Variants in NOVA1 observed in about 807,000 individuals in gnomAD.
The protein encoded by NOVA1 is NOVA alternative splicing regulator 1, also known as RNA-binding protein Nova-1.
In NOVA1, 7 loss-of-function variants were observed where a neutral mutation model predicts 38.0. The ratio of observed to expected loss-of-function variants is 0.18; its 90% CI spans 0.10 to 0.35. NOVA1 has a LOEUF of 0.35. Among genes scored for constraint, NOVA1 ranks in the 10% least tolerant of loss-of-function variants. The pLI is 1.00. For synonymous variants in NOVA1, 270 were observed against 232.5 expected (o/e 1.16, Z -1.47); for missense variants, 460 against 616.0 (o/e 0.75, Z 2.68).
intron 2 of NOVA1, among the ~76,000 whole-genome samples, chr14:26,534,224 T>C (rs1318684970): frequency 6.6e-6 from 1 of 152,198 alleles, no homozygotes; most frequent in East Asian, 1.9e-4. Flanking sequence ...TGATATACTA[T>C]AGTTAAATAC....
At chr14:26,459,336 A>G (rs1883464019) in intron 4 of NOVA1, among the ~76,000 whole-genome samples, 1 of 152,086 alleles carries the variant, frequency 6.6e-6, no homozygotes, top group South Asian at 2.1e-4. Flanking sequence ...AACTGCCTAC[A>G]GTATTTAGTA....
At chr14:26,524,079 C>T (rs1330487498) in intron 2 of NOVA1, among the ~76,000 whole-genome samples, 1 of 152,102 alleles carries the variant, frequency 6.6e-6, no homozygotes, top group Non-Finnish European at 1.5e-5. Context: ...CAATTTTTAG[C>T]TTTGTGGGCT....
chr14:26,523,145 AC>A (rs1889025426), intron 2 of NOVA1, among the ~76,000 whole-genome samples: 1 of 152,208 alleles, frequency 6.6e-6, no homozygotes, highest in Non-Finnish European at 1.5e-5. Flanking sequence ...CTGGGAAATG[AC>A]TTTCCTTACT....
intron 2 of NOVA1, chr14:26,549,795 C>T (rs1039939673): frequency 7.9e-6 from 10 of 1,258,936 alleles, no homozygotes; most frequent in East Asian, 1.1e-4. Flanking sequence ...GGGGAAAGTG[C>T]GCTGTTAAAC....
chr14:26,571,291 T>C (rs1892455814), intron 2 of NOVA1, among the ~76,000 whole-genome samples: 2 of 152,238 alleles, frequency 1.3e-5, no homozygotes, highest in South Asian at 2.1e-4. Flanking sequence ...CAGTCTCTTT[T>C]GGAAGTATTC....
intron 2 of NOVA1, among the ~76,000 whole-genome samples, chr14:26,491,329 A>G (rs763894576): frequency 1.1e-4 from 16 of 152,090 alleles, no homozygotes; most frequent in Non-Finnish European, 1.8e-4. Context: ...GGAGTTGTTT[A>G]TATATTCTGG....
chr14:26,517,706 A>T (rs569012149), intron 2 of NOVA1, among the ~76,000 whole-genome samples: 1 of 152,288 alleles, frequency 6.6e-6, no homozygotes. Flanking sequence ...GATAAAATTT[A>T]AAAATTAATC....
rs544885180 is a variant in NOVA1, at chr14:26,501,868, A to C, written c.281-21725T>G. Among the ~76,000 whole-genome samples, 333 of 152,092 alleles carry C rather than the reference A, an allele frequency of 2.2e-3. 1 individual carries two copies. Among genetic ancestry groups the C allele is most frequent in the African/African-American group, 7.2e-3 (298 of 41,572 alleles). On this transcript the variant is annotated intron_variant, in intron 2 of 4. Coordinates refer to ENST00000539517, the MANE Select transcript of NOVA1 (RefSeq NM_002515.3). ...TTACTATGAATCAAAGTATTCTACT[A>C]TTCTTTTCTCAAGTTTCTCATTTAT...
At chr14:26,508,886 T>A (rs1887844469) in intron 2 of NOVA1, among the ~76,000 whole-genome samples, 1 of 151,842 alleles carries the variant, frequency 6.6e-6, no homozygotes, top group South Asian at 2.1e-4. Flanking sequence ...AGTGTATATG[T>A]TTAAATATAT....
At chr14:26,484,954 A>T (rs972732989) in intron 2 of NOVA1, among the ~76,000 whole-genome samples, 2 of 152,212 alleles carry the variant, frequency 1.3e-5, no homozygotes, top group Non-Finnish European at 2.9e-5. Flanking sequence ...CAGGAAAAAA[A>T]AAACGAACAA....
intron 2 of NOVA1, among the ~76,000 whole-genome samples, chr14:26,516,084 T>A (rs1888443495): frequency 1.3e-5 from 2 of 152,142 alleles, no homozygotes; most frequent in Non-Finnish European, 2.9e-5. Flanking sequence ...ACTTTAGTTA[T>A]TCAGGTGGAT....
intron 4 of NOVA1, among the ~76,000 whole-genome samples, chr14:26,452,460 G>A (rs945606848): frequency 6.6e-6 from 1 of 152,176 alleles, no homozygotes; most frequent in African/African-American, 2.4e-5. Context: ...GAAGCAAAGA[G>A]AATTATGTAA....
chr14:26,570,236 A>G lies in NOVA1; in HGVS notation c.280+25174T>C, dbSNP rs528701978. 5.9e-5 allele frequency among the ~76,000 whole-genome samples: 9 copies of G among 152,122 alleles called. No homozygotes were observed. In the South Asian group the frequency reaches 1.7e-3, roughly 28 times the overall value. The stretch of plus-strand genomic sequence containing the variant: ...GTGGTGGGCACCTGTCATCCCAGAT[A>G]CTTGAGAGGCTGAGTCAGGAAAACA... On this transcript the variant is annotated intron_variant, in intron 2 of 4. Coordinates refer to ENST00000539517, the MANE Select transcript of NOVA1 (RefSeq NM_002515.3).
rs1894295062 is a variant in NOVA1 at position 26,597,672 on chromosome 14, CA to C, written c.-237del. The C allele has an allele frequency of 8.4e-7, 1 of 1,189,708 alleles. No individual in the cohort carries two copies. Among genetic ancestry groups the C allele is most frequent in the Non-Finnish European group, 1.0e-6 (1 of 965,504 alleles). 73.7% of individuals were successfully genotyped at this position (1,189,708 alleles called of 1,614,324 possible). On this transcript the variant is annotated 5_prime_UTR_variant, in exon 1 of 5. Transcript: ENST00000539517. ...CTGCAGTGCAGTGTCAGAAAGGAGA[CA>C]GGGGAATGGAGGGGGTGTGAGAGAC...
At chr14:26,539,986 C>G (rs925472471) in intron 2 of NOVA1, among the ~76,000 whole-genome samples, 1 of 152,168 alleles carries the variant, frequency 6.6e-6, no homozygotes, top group Middle Eastern at 3.2e-3. Context: ...TCAGATCCAC[C>G]CTCAGAATAG....
intron 4 of NOVA1, among the ~76,000 whole-genome samples, chr14:26,464,003 C>T (rs1047909578): frequency 1.3e-5 from 2 of 152,096 alleles, no homozygotes; most frequent in African/African-American, 4.8e-5. Context: ...TCACATTTTA[C>T]AATGAGAAAA....
Position 26,486,447 on chromosome 14 carries a change from C to T in NOVA1, c.281-6304G>A, listed in dbSNP as rs529714486. Among the ~76,000 whole-genome samples, 300 of 151,970 alleles carry T rather than the reference C, an allele frequency of 2.0e-3. 1 individual carries two copies. Among genetic ancestry groups the T allele is most frequent in the Non-Finnish European group, 3.2e-3 (217 of 67,976 alleles). On this transcript the variant is annotated intron_variant, in intron 2 of 4. Coordinates refer to ENST00000539517, the MANE Select transcript of NOVA1 (RefSeq NM_002515.3). Reference sequence around the variant, plus strand: ...GTTCCGGGCCGGGCATGGTGGCTCACGCTTGTAATCCCAACACTTTGGGAG... The same window carrying T: ...GTTCCGGGCCGGGCATGGTGGCTCATGCTTGTAATCCCAACACTTTGGGAG...
chr14:26,595,514 T>A lies in NOVA1; in HGVS notation c.176A>T (p.Tyr59Phe). The change falls in exon 2 of 5, where the codon TAT becomes TTT. Residue 59 changes from tyrosine (Y) to phenylalanine (F), a missense_variant. Tyr to Phe is a conservative substitution (Grantham distance 22). Coordinates refer to ENST00000539517, the MANE Select transcript of NOVA1 (RefSeq NM_002515.3). Reference protein sequence around the residue: ...QYFLKVLIPSYAAGSIIGKGG... With the variant: ...QYFLKVLIPSFAAGSIIGKGG... ...CTTCCCAATTATAGATCCAGCAGCATAACTAGGTATGAGAACCTTTAGAAA... is the reference window on the plus strand; with the variant it reads ...CTTCCCAATTATAGATCCAGCAGCAAAACTAGGTATGAGAACCTTTAGAAA... The A allele has an allele frequency of 4.3e-6, 7 of 1,613,820 alleles. No homozygotes were observed. Among genetic ancestry groups the A allele is most frequent in the Non-Finnish European group, 5.9e-6 (7 of 1,179,838 alleles).
At chr14:26,492,191 C>T (rs1886397356) in intron 2 of NOVA1, among the ~76,000 whole-genome samples, 1 of 152,146 alleles carries the variant, frequency 6.6e-6, no homozygotes, top group African/African-American at 2.4e-5. Flanking sequence ...GGACTGTTCA[C>T]TGTGGTGTAT....
Sources: allele counts gnomAD v4.1 joint callset (sites outside exome capture counted in the v4.1 genomes callset), GRCh38; gene constraint gnomAD v4.1.1; transcripts MANE v1.5; gene names NCBI Gene and HGNC (gene_info 2026-07-23, HGNC 2026-07-21).